Variants in SGCZ observed in about 807,000 individuals in gnomAD.
SGCZ encodes the protein zeta-sarcoglycan.
In SGCZ, 40 loss-of-function variants were observed where a neutral mutation model predicts 41.3. That is an observed-to-expected ratio of 0.97 (90% CI 0.75 to 1.26). The LOEUF (loss-of-function observed/expected upper bound fraction) is 1.26, where lower values mean the gene tolerates loss of function less well. SGCZ is among the 50% of genes most tolerant of loss of function. The probability of loss-of-function intolerance (pLI) is 0.00; values close to 1 mark genes in which losing one functional copy is unlikely to be tolerated. For missense variants in SGCZ, 552 were observed against 369.8 expected (o/e 1.49, Z -4.04); for synonymous variants, 206 against 137.5 (o/e 1.50, Z -3.49).
chr8:15,028,500 C>T (rs1227488768), intron 1 of SGCZ, among the ~76,000 whole-genome samples: 1 of 148,078 alleles, frequency 6.8e-6, no homozygotes, highest in Non-Finnish European at 1.5e-5. Flanking sequence ...TCATAAGGAA[C>T]ACTATCGTCT....
chr8:15,174,233 A>G (rs932090842), intron 1 of SGCZ, among the ~76,000 whole-genome samples: 2 of 152,198 alleles, frequency 1.3e-5, no homozygotes, highest in African/African-American at 4.8e-5. Context: ...AAACTGTTAC[A>G]TCATGTAGGG....
At chr8:15,021,389 G>C (rs754120135) in intron 1 of SGCZ, among the ~76,000 whole-genome samples, 1 of 152,144 alleles carries the variant, frequency 6.6e-6, no homozygotes, top group Non-Finnish European at 1.5e-5. Flanking sequence ...GAAAGGGCCC[G>C]TTCAGACTTG....
intron 1 of SGCZ, among the ~76,000 whole-genome samples, chr8:14,592,806 C>G (rs751313171): frequency 6.6e-6 from 1 of 152,130 alleles, no homozygotes; most frequent in Non-Finnish European, 1.5e-5. Flanking sequence ...TGAAGGAAAT[C>G]AGAGTGGCTC....
intron 1 of SGCZ, among the ~76,000 whole-genome samples, chr8:15,072,561 G>C (rs905793729): frequency 6.6e-6 from 1 of 152,142 alleles, no homozygotes; most frequent in Non-Finnish European, 1.5e-5. Context: ...CAATGTTGTT[G>C]CTTTTCTAGC....
intron 5 of SGCZ, among the ~76,000 whole-genome samples, chr8:14,155,209 A>G (rs1803840929): frequency 6.6e-6 from 1 of 152,170 alleles, no homozygotes; most frequent in Admixed American, 6.5e-5. Context: ...TGACCTTAAT[A>G]TCTTCCAAAA....
intron 1 of SGCZ, among the ~76,000 whole-genome samples, chr8:15,197,728 G>A (rs1038205033): frequency 1.3e-5 from 2 of 152,024 alleles, no homozygotes; most frequent in Non-Finnish European, 2.9e-5. Flanking sequence ...ACAGGGGGAG[G>A]CAAGGTCTAA....
At chr8:14,793,082 G>T (rs183235184) in intron 1 of SGCZ, among the ~76,000 whole-genome samples, 219 of 152,232 alleles carry the variant, frequency 1.4e-3, no homozygotes, top group Middle Eastern at 3.4e-3. Flanking sequence ...GTTCCTATTT[G>T]ATTTCTTCCT....
intron 1 of SGCZ, among the ~76,000 whole-genome samples, chr8:15,135,332 C>T (rs1157712513): frequency 1.3e-5 from 2 of 152,154 alleles, no homozygotes; most frequent in African/African-American, 4.8e-5. Context: ...GAAATTGGCT[C>T]ATTTTCACTG....
At chr8:14,399,323 C>G (rs1399556206) in intron 2 of SGCZ, among the ~76,000 whole-genome samples, 1 of 152,028 alleles carries the variant, frequency 6.6e-6, no homozygotes, top group Non-Finnish European at 1.5e-5. Flanking sequence ...CACTTCTTAC[C>G]AGTTTTCATC....
intron 1 of SGCZ, among the ~76,000 whole-genome samples, chr8:14,917,836 T>C (rs1440143074): frequency 1.3e-5 from 2 of 152,136 alleles, no homozygotes; most frequent in Non-Finnish European, 2.9e-5. Context: ...CTCACATCAT[T>C]AATTAGGAGG....
In SGCZ at chr8:14,404,270, C is replaced by A. The variant is rs7820851; in HGVS notation, c.235-80066G>T. Among the ~76,000 whole-genome samples the A allele has an allele frequency of 5.9e-3, 899 of 152,066 alleles. 6 individuals carry two copies. The highest frequency in any genetic ancestry group is 0.017 in the South Asian group (81 of 4,820). On this transcript the variant is annotated intron_variant, in intron 2 of 7. Coordinates refer to ENST00000382080, the MANE Select transcript of SGCZ (RefSeq NM_139167.4). ...TGCCAGTGTTCATTTTAAAACTGTG[C>A]TAGAAAATCTTTAAGGATTATATTA...
intron 1 of SGCZ, among the ~76,000 whole-genome samples, chr8:14,577,762 C>T (rs545310655): frequency 2.0e-4 from 31 of 152,276 alleles, no homozygotes; most frequent in Non-Finnish European, 3.2e-4. Context: ...TAACATTCAT[C>T]ATTTTATCTG....
intron 3 of SGCZ, among the ~76,000 whole-genome samples, chr8:14,277,146 T>C (rs1350691458): frequency 6.6e-6 from 1 of 152,200 alleles, no homozygotes; most frequent in Non-Finnish European, 1.5e-5. Flanking sequence ...CTCTCACATA[T>C]TAAATAGAGT....
At chr8:14,107,511 A>G (rs1281722575) in intron 6 of SGCZ, among the ~76,000 whole-genome samples, 3 of 152,170 alleles carry the variant, frequency 2.0e-5, no homozygotes, top group African/African-American at 7.2e-5. Flanking sequence ...ATTACCCTCT[A>G]TATAATACTC....
At chr8:15,000,798 C>T (rs1178328889) in intron 1 of SGCZ, among the ~76,000 whole-genome samples, 5 of 152,204 alleles carry the variant, frequency 3.3e-5, no homozygotes, top group East Asian at 3.9e-4. Context: ...AAATCTGCTG[C>T]AGTCCGCCAT....
chr8:14,802,634 A>AAT (rs968320191), intron 1 of SGCZ, among the ~76,000 whole-genome samples: 2 of 152,046 alleles, frequency 1.3e-5, no homozygotes, highest in Non-Finnish European at 2.9e-5. Context: ...GAAACACACA[A>AAT]ATATATATAT....
intron 4 of SGCZ, among the ~76,000 whole-genome samples, chr8:14,231,032 T>A (rs1340913913): frequency 6.6e-6 from 1 of 152,114 alleles, no homozygotes; most frequent in Non-Finnish European, 1.5e-5. Context: ...TGTTGGAGTA[T>A]ATTGCATGAA....
At chr8:14,405,706 A>T (rs775473726) in intron 2 of SGCZ, among the ~76,000 whole-genome samples, 20 of 152,224 alleles carry the variant, frequency 1.3e-4, no homozygotes, top group Non-Finnish European at 2.8e-4. Flanking sequence ...ACTAATTTTC[A>T]AGCCTGTGAT....
At chr8:15,166,232 CTTTTTTTTTTCTTT>C (rs1490029735) in intron 1 of SGCZ, among the ~76,000 whole-genome samples, 3 of 145,294 alleles carry the variant, frequency 2.1e-5, no homozygotes, top group Admixed American at 7.0e-5. Flanking sequence ...ATGCTCAATC[CTTTTTTTTTTCTTT>C]TTTTTTTTTT....
Sources: allele counts gnomAD v4.1 joint callset (sites outside exome capture counted in the v4.1 genomes callset), GRCh38; gene constraint gnomAD v4.1.1; transcripts MANE v1.5; gene names NCBI Gene and HGNC (gene_info 2026-07-23, HGNC 2026-07-21).